Variants in LONRF3 observed in about 807,000 individuals in gnomAD.
LONRF3 encodes LON peptidase N-terminal domain and RING finger protein 3.
In LONRF3, 19 loss-of-function variants were observed where a neutral mutation model predicts 51.7. That is an observed-to-expected ratio of 0.37 (90% CI 0.26 to 0.54). LONRF3 has a LOEUF of 0.54. Ranked by LOEUF, LONRF3 falls within the 20% of genes least tolerant of loss-of-function variation. LONRF3 has a pLI of 0.86. For missense variants in LONRF3, 521 were observed against 623.9 expected (o/e 0.84, Z 1.76); for synonymous variants, 265 against 257.8 (o/e 1.03, Z -0.27).
chrX:118,989,760 T>A, intron 4 of LONRF3, 88 bp downstream of exon 4: 1 of 1,000,211 alleles, frequency 1.0e-6, no homozygotes, highest in East Asian at 3.3e-5. Context: ...GTCTGGGGGC[T>A]CCTTAGGCTC....
chrX:118,976,857 G>C (rs1480030389), intron 1 of LONRF3: 1 of 112,568 alleles, frequency 8.9e-6, no homozygotes, highest in East Asian at 2.8e-4. Context: ...CCTGGGATCC[G>C]AGGGTGTCCT....
At chrX:119,005,962 G>A (rs991428593) in intron 5 of LONRF3, among the ~76,000 whole-genome samples, 159 bp from the exon 6 acceptor site, 8 of 111,606 alleles carry the variant, frequency 7.2e-5, no homozygotes, top group African/African-American at 2.0e-4. Flanking sequence ...AAAATGAAAG[G>A]CAAATGTTTA....
Position 118,975,351 on chromosome X carries a change from C to T in LONRF3, c.571C>T (p.Arg191Cys). ...CLERGRAADR[R>C]CALCGVKLSA... The stretch of plus-strand genomic sequence containing the variant: ...GGAACGTGGGCGGGCCGCCGACCGG[C>T]GCTGTGCGCTGTGCGGGGTCAAGCT... Residue 191 changes from arginine to cysteine, a missense_variant, in exon 1 of 11, where the codon CGC (arginine) becomes TGC (cysteine). Transcript: ENST00000371628. 8.3e-7 allele frequency: 1 copy of T among 1,209,196 alleles called. No individual in the cohort carries two copies. The highest frequency in any genetic ancestry group is 1.1e-6 in the Non-Finnish European group (1 of 894,701).
At chrX:119,014,831 T>G (rs1215694291) in intron 10 of LONRF3, among the ~76,000 whole-genome samples, 2 of 111,794 alleles carry the variant, frequency 1.8e-5, no homozygotes, top group African/African-American at 6.5e-5. Context: ...CTTATAAGAT[T>G]ACAACTGCAA....
intron 5 of LONRF3, among the ~76,000 whole-genome samples, chrX:119,003,679 G>C (rs1924493126): frequency 8.9e-6 from 1 of 112,429 alleles, no homozygotes; most frequent in East Asian, 2.8e-4. Context: ...CCACATCGTT[G>C]CTCTTCAGAT....
chrX:118,982,760 T>C, intron 2 of LONRF3, 61 bp from the exon 3 acceptor site: 3 of 1,188,418 alleles, frequency 2.5e-6, no homozygotes, highest in Non-Finnish European at 3.4e-6. Context: ...TTAGTTATTG[T>C]TAGAGCAGTA....
chrX:118,976,885 G>A (rs1922114246), intron 1 of LONRF3: 2 of 112,065 alleles, frequency 1.8e-5, no homozygotes, highest in Admixed American at 1.9e-4. Context: ...ACTCTGTGGA[G>A]TGGAGGAGGG....
chrX:118,987,514 G>C (rs1282749565), intron 3 of LONRF3, among the ~76,000 whole-genome samples: 2 of 86,180 alleles, frequency 2.3e-5, no homozygotes, highest in African/African-American at 9.3e-5. Flanking sequence ...GGCTGGTCTC[G>C]AACTCCTGGC....
intron 5 of LONRF3, among the ~76,000 whole-genome samples, chrX:119,000,775 T>TTCTCTC (rs200671696): frequency 1.4e-4 from 8 of 55,848 alleles, no homozygotes; most frequent in Non-Finnish European, 2.3e-4. Flanking sequence ...TTCACTCTCA[T>TTCTCTC]TCTCTCTCTC....
At chrX:118,992,922 A>G (rs1193800109) in intron 5 of LONRF3, among the ~76,000 whole-genome samples, 1 of 111,145 alleles carries the variant, frequency 9.0e-6, no homozygotes, top group Non-Finnish European at 1.9e-5. Flanking sequence ...GAGAGACAAC[A>G]ATCACTGCAG....
chrX:118,977,139 C>A (rs1445265139), intron 1 of LONRF3, among the ~76,000 whole-genome samples: 1 of 109,099 alleles, frequency 9.2e-6, no homozygotes, highest in African/African-American at 3.4e-5. Flanking sequence ...AAGTAATGGG[C>A]ACGCAAGCAA....
intron 5 of LONRF3, among the ~76,000 whole-genome samples, chrX:118,996,948 AG>A (rs1409824955): frequency 9.2e-6 from 1 of 109,238 alleles, no homozygotes. Flanking sequence ...AGCAAAGAAA[AG>A]AAAACTACAA....
chrX:119,013,173 C>G lies in LONRF3; in HGVS notation c.1946C>G (p.Ala649Gly), dbSNP rs1325933081. ...AGCCAGCGGGATGGCTACAACACAG[C>G]CGACATTGAATACATTGAAGACCAA... ...HQSQRDGYNT[A>G]DIEYIEDQKV... Residue 649 changes from alanine to glycine, a missense_variant, in exon 9 of 11, where the codon GCC becomes GGC. Transcript: ENST00000371628. The G allele has an allele frequency of 8.3e-7, 1 of 1,210,240 alleles. No individual in the cohort carries two copies. The highest frequency in any genetic ancestry group is 1.7e-5 in the African/African-American group (1 of 57,397).
intron 10 of LONRF3, among the ~76,000 whole-genome samples, chrX:119,015,623 A>G (rs1925394813): frequency 9.0e-6 from 1 of 111,692 alleles, no homozygotes; most frequent in South Asian, 3.8e-4. Context: ...GTTCCCCTTC[A>G]CCTTCCGGGA....
intron 4 of LONRF3, among the ~76,000 whole-genome samples, chrX:118,990,019 T>C (rs771855146): frequency 8.9e-6 from 1 of 112,246 alleles, no homozygotes; most frequent in Admixed American, 9.4e-5. Flanking sequence ...GAATGCAGGA[T>C]GAGGAAAGTG....
chrX:118,989,539 G>A lies in LONRF3; in HGVS notation c.1191G>A (p.Glu397=), dbSNP rs1168631257. ...QQHHMKDQEE[E]EEKWDATSPK... ...ACCACATGAAAGACCAGGAAGAAGA[G>A]GAGGAGAAGTGGGATGCTACCTCTC... The change falls in exon 4 of 11, where the codon GAG becomes GAA. Residue 397 remains glutamate, a synonymous_variant. Transcript: ENST00000371628. 4.1e-6 allele frequency: 5 copies of A among 1,209,612 alleles called. No homozygotes were observed. The highest frequency in any genetic ancestry group is 5.9e-5 in the East Asian group (2 of 33,759).
intron 5 of LONRF3, among the ~76,000 whole-genome samples, chrX:118,993,223 A>G (rs1435015558): frequency 8.9e-6 from 1 of 112,164 alleles, no homozygotes; most frequent in Non-Finnish European, 1.9e-5. Context: ...TATTAAGCTA[A>G]TCAGGGGGAT....
chrX:118,981,662 A>G (rs1487764973), intron 2 of LONRF3, among the ~76,000 whole-genome samples: 1 of 110,846 alleles, frequency 9.0e-6, no homozygotes, highest in East Asian at 2.8e-4. Flanking sequence ...GAGGCCATCA[A>G]CATCCATGTA....
At chrX:118,987,969 T>C (rs2147276486) in intron 3 of LONRF3, among the ~76,000 whole-genome samples, 1 of 111,560 alleles carries the variant, frequency 9.0e-6, no homozygotes, top group South Asian at 3.8e-4. Context: ...ACAAGAGAGA[T>C]GGGTTCCAGG....
Sources: allele counts gnomAD v4.1 joint callset (sites outside exome capture counted in the v4.1 genomes callset), GRCh38; gene constraint gnomAD v4.1.1; transcripts MANE v1.5; gene names NCBI Gene and HGNC (gene_info 2026-07-23, HGNC 2026-07-21).